Variants in VAC14 observed in about 807,000 individuals in gnomAD.
VAC14 encodes the protein VAC14 component of PIKFYVE complex, also known as protein VAC14 homolog.
In VAC14, 47 loss-of-function variants were observed where a neutral mutation model predicts 85.3. The observed-to-expected ratio is 0.55, with a 90% CI of 0.44 to 0.70. The LOEUF (loss-of-function observed/expected upper bound fraction) is 0.70, where lower values mean the gene tolerates loss of function less well. VAC14 is among the 30% of genes least tolerant of loss of function. VAC14 has a pLI of 0.00. For synonymous variants in VAC14, 447 were observed against 430.5 expected (o/e 1.04, Z -0.47); for missense variants, 861 against 1,004.3 (o/e 0.86, Z 1.93).
chr16:70,764,415 T>C (rs554693006), intron 10 of VAC14, among the ~76,000 whole-genome samples: 18 of 152,230 alleles, frequency 1.2e-4, no homozygotes, highest in African/African-American at 4.3e-4. Context: ...TCGAAACACT[T>C]AAATCTTTGC....
chr16:70,757,530 C>A (rs1429776572), intron 12 of VAC14, among the ~76,000 whole-genome samples: 1 of 152,212 alleles, frequency 6.6e-6, no homozygotes, highest in Non-Finnish European at 1.5e-5. Context: ...TCCTGTGGCC[C>A]ACTGTGTCCT....
intron 10 of VAC14, among the ~76,000 whole-genome samples, chr16:70,765,372 G>A (rs2032726649): frequency 6.6e-6 from 1 of 152,204 alleles, no homozygotes; most frequent in African/African-American, 2.4e-5. Flanking sequence ...GCATGGGGCA[G>A]GATCAGTGGT....
intron 14 of VAC14, among the ~76,000 whole-genome samples, chr16:70,717,779 T>G (rs1177310382): frequency 1.3e-5 from 2 of 152,226 alleles, no homozygotes; most frequent in African/African-American, 4.8e-5. Context: ...CCTGAGTAGC[T>G]GAGACCACAG....
At chr16:70,780,746 G>A (rs752759273) in intron 9 of VAC14, 44 bp downstream of exon 9, 73 of 1,529,252 alleles carry the variant, frequency 4.8e-5, no homozygotes, top group Non-Finnish European at 6.0e-5. Context: ...CTGGCTCCCT[G>A]GGCCCCCGAC....
chr16:70,692,893 G>GGCAGGA lies in VAC14; in HGVS notation c.2108_2113dup (p.Leu703_Leu704dup). Reference sequence around the variant, plus strand: ...GAGCAGCTGGAAGGCGCTGCTCTGCGGCAGGAGCATGAGCAGGCCGTAGAG... The same window carrying GGCAGGA: ...GAGCAGCTGGAAGGCGCTGCTCTGCGGCAGGAGCAGGAGCATGAGCAGGCCGTAGAG... On this transcript the variant is annotated inframe_insertion, in exon 18 of 19. Transcript: ENST00000261776. 1 of 1,609,136 alleles carries GGCAGGA rather than the reference G, an allele frequency of 6.2e-7. No homozygotes were observed. Among genetic ancestry groups the GGCAGGA allele is most frequent in the Non-Finnish European group, 8.5e-7 (1 of 1,178,754 alleles).
In VAC14 at chr16:70,786,383, A is replaced by C. The variant is rs201065421; in HGVS notation, c.105-18T>G. On this transcript the variant is annotated intron_variant, in intron 1 of 18. Transcript: ENST00000261776. ...GGACCAGCCTGGAGAGAGAGGAGAG[A>C]GGGGCTGTGGGAATCAGGCTACCTC... 3.0e-5 allele frequency: 48 copies of C among 1,610,790 alleles called. No individual in the cohort carries two copies. In the Admixed American group the frequency reaches 5.7e-4, roughly 19 times the overall value.
At chr16:70,707,262 C>A (rs961128045) in intron 14 of VAC14, among the ~76,000 whole-genome samples, 1 of 152,236 alleles carries the variant, frequency 6.6e-6, no homozygotes, top group Non-Finnish European at 1.5e-5. Context: ...GCCATGGTAA[C>A]CCTGCCAACT....
intron 17 of VAC14, among the ~76,000 whole-genome samples, chr16:70,694,588 C>T (rs1302020024): frequency 6.6e-6 from 1 of 152,198 alleles, no homozygotes; most frequent in African/African-American, 2.4e-5. Flanking sequence ...TTAGGCCGGG[C>T]GGGTCAGAGA....
chr16:70,730,031 C>T (rs577770550), intron 14 of VAC14, among the ~76,000 whole-genome samples: 1 of 152,178 alleles, frequency 6.6e-6, no homozygotes, highest in African/African-American at 2.4e-5. Context: ...ACTGGCATCA[C>T]CATCCACCCG....
intron 13 of VAC14, among the ~76,000 whole-genome samples, chr16:70,740,188 T>C (rs149274253): frequency 0.013 from 2,026 of 152,308 alleles, 60 homozygotes; most frequent in African/African-American, 0.046. Context: ...CTCAAACTCC[T>C]GACCTCAGGT....
intron 18 of VAC14, chr16:70,691,658 C>T (rs1197459473): frequency 1.0e-6 from 1 of 985,356 alleles, no homozygotes; most frequent in African/African-American, 1.7e-5. Context: ...AGGGCACTGC[C>T]TTCTGGGGAA....
At chr16:70,758,861 T>C (rs2032083150) in intron 12 of VAC14, among the ~76,000 whole-genome samples, 1 of 152,268 alleles carries the variant, frequency 6.6e-6, no homozygotes. Context: ...ATTTGACACC[T>C]GCAAATTCTT....
At chr16:70,732,471 G>A (rs1016386202) in intron 13 of VAC14, among the ~76,000 whole-genome samples, 1 of 152,118 alleles carries the variant, frequency 6.6e-6, no homozygotes, top group African/African-American at 2.4e-5. Context: ...CCAGCACCAA[G>A]GGGACAAGGG....
intron 14 of VAC14, chr16:70,716,932 G>A (rs1027518697): frequency 3.9e-5 from 6 of 152,260 alleles, no homozygotes; most frequent in Admixed American, 6.5e-5. Context: ...CTTTCCTGCA[G>A]GAAGGAAGGA....
At chr16:70,767,220 G>T (rs1378009955) in intron 10 of VAC14, among the ~76,000 whole-genome samples, 1 of 152,180 alleles carries the variant, frequency 6.6e-6, no homozygotes, top group Non-Finnish European at 1.5e-5. Context: ...ACTGAATAAT[G>T]CTTCTGATAT....
intron 12 of VAC14, among the ~76,000 whole-genome samples, chr16:70,758,719 C>T (rs533153280): frequency 2.8e-4 from 42 of 152,358 alleles, no homozygotes; most frequent in African/African-American, 1.0e-3. Context: ...ACCTCCCAAA[C>T]AGGGACCCAG....
intron 14 of VAC14, among the ~76,000 whole-genome samples, chr16:70,702,299 C>T (rs1358005391): frequency 6.6e-6 from 1 of 152,206 alleles, no homozygotes; most frequent in African/African-American, 2.4e-5. Context: ...CCAGCTCATC[C>T]CAGGAGACTC....
chr16:70,689,367 G>A (rs1328308992), intron 18 of VAC14: 1 of 985,230 alleles, frequency 1.0e-6, no homozygotes, highest in Non-Finnish European at 1.2e-6. Context: ...GGAAATAAAG[G>A]AGGCCATTTT....
intron 12 of VAC14, among the ~76,000 whole-genome samples, chr16:70,753,122 A>G (rs1405871790): frequency 6.6e-6 from 1 of 152,088 alleles, no homozygotes; most frequent in Non-Finnish European, 1.5e-5. Context: ...TAACTTCTCC[A>G]GTTTCCTCTT....
Sources: gnomAD v4.1 joint callset for allele counts (sites outside exome capture counted in the v4.1 genomes callset) on GRCh38, gnomAD v4.1.1 for gene constraint, MANE v1.5 for transcripts, NCBI Gene and HGNC (gene_info 2026-07-23, HGNC 2026-07-21) for gene names.